The following ZNF621 variants were observed in gnomAD, a reference collection of about 807,000 sequenced individuals.
ZNF621 encodes the protein zinc finger protein 621.
A neutral mutation model predicts 12.7 loss-of-function variants in ZNF621; 6 were observed. The ratio of observed to expected loss-of-function variants is 0.47; its 90% CI spans 0.26 to 0.93. The LOEUF is 0.93. ZNF621 is among the 40% of genes least tolerant of loss of function. The pLI, the probability that ZNF621 is intolerant of heterozygous loss-of-function variation, is 0.15. For missense variants in ZNF621, 474 were observed against 524.0 expected (o/e 0.90, Z 0.93); for synonymous variants, 156 against 190.3 (o/e 0.82, Z 1.48).
rs1698883724 is a variant in ZNF621 at position 40,537,016 on chromosome 3, T to A, written c.*3926T>A. On this transcript the variant is annotated 3_prime_UTR_variant, in exon 5 of 5. Coordinates refer to ENST00000339296, the MANE Select transcript of ZNF621 (RefSeq NM_198484.5). ...GTGTTCTGATTACTCCACTAACTGA[T>A]GGTTCCCCATCTCTCTCCCTCTCCT... is the stretch of plus-strand genomic sequence containing the variant. 6.6e-6 allele frequency: 1 copy of A among 152,232 alleles called. No individual in the cohort carries two copies. Among genetic ancestry groups the A allele is most frequent in the Non-Finnish European group, 1.5e-5 (1 of 68,058 alleles). 9.4% of individuals were successfully genotyped at this position (152,232 alleles called of 1,614,324 possible). A position where few individuals can be genotyped will look rare whatever the true frequency, so the allele number is the denominator to read the frequency against.
In ZNF621 at chr3:40,530,320, A is replaced by G. The variant is rs761046676; in HGVS notation, c.259+4A>G. 6.2e-7 allele frequency: 1 copy of G among 1,610,648 alleles called. No individual in the cohort carries two copies. The highest frequency in any genetic ancestry group is 1.1e-5 in the South Asian group (1 of 90,772). ...ATTCTGAGAGGCATCAGTCAAGGTG[A>G]GTATGAGAATCCAGTGGTGAAGTTT... On this transcript the variant is annotated splice_donor_region_variant and intron_variant, in intron 4 of 4. Coordinates refer to ENST00000339296, the MANE Select transcript of ZNF621 (RefSeq NM_198484.5).
rs1341416849 is a variant in ZNF621 at position 40,538,268 on chromosome 3, T to G, written c.*5178T>G. The G allele has an allele frequency of 4.9e-6, 2 of 406,914 alleles. No individual in the cohort carries two copies. The highest frequency in any genetic ancestry group is 1.9e-4 in the East Asian group (2 of 10,282). 25.2% of individuals were successfully genotyped at this position (406,914 alleles called of 1,614,324 possible). On this transcript the variant is annotated 3_prime_UTR_variant, in exon 5 of 5. Transcript: ENST00000339296. ...TGGCTCACACTTGTAATCCCAACACTTTGGGAGGCCAAGGCAGGTGGATCA... is the reference window on the plus strand; with the variant it reads ...TGGCTCACACTTGTAATCCCAACACGTTGGGAGGCCAAGGCAGGTGGATCA...
In ZNF621 at chr3:40,525,787, G is replaced by T; in HGVS notation, c.-54G>T. 1.2e-6 allele frequency: 2 copies of T among 1,614,118 alleles called. No individual in the cohort carries two copies. Among genetic ancestry groups the T allele is most frequent in the Non-Finnish European group, 1.7e-6 (2 of 1,179,980 alleles). ...GGCTCTTTTTCTCTTAGCTCTTGAGGATCTTGCTTGTCCAAACCCAGAAGA... is the reference window on the plus strand; with the variant it reads ...GGCTCTTTTTCTCTTAGCTCTTGAGTATCTTGCTTGTCCAAACCCAGAAGA... On this transcript the variant is annotated 5_prime_UTR_variant, in exon 2 of 5. Coordinates refer to ENST00000339296, the MANE Select transcript of ZNF621 (RefSeq NM_198484.5).
chr3:40,531,806 C>T (rs559787718), intron 4 of ZNF621, among the ~76,000 whole-genome samples: 5 of 152,274 alleles, frequency 3.3e-5, no homozygotes, highest in African/African-American at 4.8e-5. Flanking sequence ...TCAAGCCATC[C>T]GCCTGCCTCA....
chr3:40,531,948 T>C, intron 4 of ZNF621, 82 bp from the exon 5 acceptor site: 1 of 1,314,538 alleles, frequency 7.6e-7, no homozygotes, highest in Non-Finnish European at 1.0e-6. Context: ...AAAATTACAT[T>C]CTACAAGAGA....
rs1169412706 is a variant in ZNF621, at chr3:40,534,874, A to C, written c.*1784A>C. ...CTTCTCTGTTCCTGCACCAAAAATG[A>C]TCAGGAGAAAGCATATTACCAGGCT... On this transcript the variant is annotated 3_prime_UTR_variant, in exon 5 of 5. Transcript: ENST00000339296. 6.6e-6 allele frequency: 1 copy of C among 152,212 alleles called. No individual in the cohort carries two copies. The highest frequency in any genetic ancestry group is 1.5e-5 in the Non-Finnish European group (1 of 68,038). 9.4% of individuals were successfully genotyped at this position (152,212 alleles called of 1,614,324 possible). A position where few individuals can be genotyped will look rare whatever the true frequency, so the allele number is the denominator to read the frequency against.
chr3:40,535,694 T>C lies in ZNF621; in HGVS notation c.*2604T>C, dbSNP rs572336975. On this transcript the variant is annotated 3_prime_UTR_variant, in exon 5 of 5. Transcript: ENST00000339296. ...AGGGGCTTCTGGGAAATACAGGTTT[T>C]GGATTCTGCCTGGGAAGAGAGTCAT... is the stretch of plus-strand genomic sequence containing the variant. 6.6e-6 allele frequency: 1 copy of C among 152,340 alleles called. No homozygotes were observed. The highest frequency in any genetic ancestry group is 2.1e-4 in the South Asian group (1 of 4,832). 9.4% of individuals were successfully genotyped at this position (152,340 alleles called of 1,614,324 possible).
chr3:40,539,366 CTG>C lies in ZNF621; in HGVS notation c.*6278_*6279del, dbSNP rs139345260. Reference sequence around the variant, plus strand: ...AGCAGCCATCAACAGTGAGGCAAGACTGTCTTCCAGCAACAAAGACTCACTGA... The same window carrying C: ...AGCAGCCATCAACAGTGAGGCAAGACTCTTCCAGCAACAAAGACTCACTGA... On this transcript the variant is annotated 3_prime_UTR_variant, in exon 5 of 5. Coordinates refer to ENST00000339296, the MANE Select transcript of ZNF621 (RefSeq NM_198484.5). 6.6e-6 allele frequency: 1 copy of C among 152,364 alleles called. No homozygotes were observed. The highest frequency in any genetic ancestry group is 1.9e-4 in the East Asian group (1 of 5,190). The allele number at this position is 152,364 out of a possible 1,614,324, so 9.4% of individuals were successfully genotyped here.
In ZNF621 at chr3:40,538,746, C is replaced by T. The variant is rs1028111447; in HGVS notation, c.*5656C>T. 6.6e-6 allele frequency: 1 copy of T among 152,346 alleles called. No homozygotes were observed. Among genetic ancestry groups the T allele is most frequent in the African/African-American group, 2.4e-5 (1 of 41,422 alleles). The allele number at this position is 152,346 out of a possible 1,614,324, so 9.4% of individuals were successfully genotyped here. ...ATAGTGGTTGTTCTGTACAAAGTAACTTGAAAACCTTCTGGAAAGGATTCA... is the reference window on the plus strand; with the variant it reads ...ATAGTGGTTGTTCTGTACAAAGTAATTTGAAAACCTTCTGGAAAGGATTCA... On this transcript the variant is annotated 3_prime_UTR_variant, in exon 5 of 5. Transcript: ENST00000339296.
In ZNF621 at chr3:40,534,859, C is replaced by T. The variant is rs756865456; in HGVS notation, c.*1769C>T. 3 of 152,194 alleles carry T rather than the reference C, an allele frequency of 2.0e-5. No individual in the cohort carries two copies. Among genetic ancestry groups the T allele is most frequent in the Non-Finnish European group, 4.4e-5 (3 of 68,026 alleles). The allele number at this position is 152,194 out of a possible 1,614,324, so 9.4% of individuals were successfully genotyped here. A position where few individuals can be genotyped will look rare whatever the true frequency, so the allele number is the denominator to read the frequency against. On this transcript the variant is annotated 3_prime_UTR_variant, in exon 5 of 5. Transcript: ENST00000339296. ...AATGCAGTTCTTTGCCTTCTCTGTT[C>T]CTGCACCAAAAATGATCAGGAGAAA...
In ZNF621 at chr3:40,535,197, C is replaced by T. The variant is rs570435131; in HGVS notation, c.*2107C>T. The stretch of plus-strand genomic sequence containing the variant: ...GAGTTCGGAAGGGCTGTGGCCACCT[C>T]GTTTCGCCCATCTACTTTTCACCTT... On this transcript the variant is annotated 3_prime_UTR_variant, in exon 5 of 5. Coordinates refer to ENST00000339296, the MANE Select transcript of ZNF621 (RefSeq NM_198484.5). The T allele has an allele frequency of 3.9e-4, 60 of 152,372 alleles. No homozygotes were observed. The highest frequency in any genetic ancestry group is 1.3e-3 in the African/African-American group (53 of 41,582). The allele number at this position is 152,372 out of a possible 1,614,324, so 9.4% of individuals were successfully genotyped here. A position where few individuals can be genotyped will look rare whatever the true frequency, so the allele number is the denominator to read the frequency against.
upstream of ZNF621, among the ~76,000 whole-genome samples, chr3:40,523,500 C>T (rs558293570): frequency 1.3e-4 from 20 of 152,318 alleles, no homozygotes; most frequent in Non-Finnish European, 1.3e-4. Flanking sequence ...CGCGGTGGCT[C>T]ACGCCTGTAA....
Position 40,532,296 on chromosome 3 carries a change from G to A in ZNF621, c.526G>A (p.Glu176Lys). 1 of 1,612,934 alleles carries A rather than the reference G, an allele frequency of 6.2e-7. No individual in the cohort carries two copies. The highest frequency in any genetic ancestry group is 8.5e-7 in the Non-Finnish European group (1 of 1,180,038). Residue 176 changes from glutamate to lysine, a missense_variant, in exon 5 of 5, where the codon GAA (glutamate) becomes AAA (lysine). Physicochemically the swap from Glu to Lys is moderately conservative, Grantham distance 56 (BLOSUM62 1). Coordinates refer to ENST00000339296, the MANE Select transcript of ZNF621 (RefSeq NM_198484.5). ...LIRHQMSHTG[E>K]KPFKCKECGK... ...TCGGCATCAGATGAGTCATACTGGGGAAAAGCCCTTTAAGTGTAAGGAGTG... is the reference window on the plus strand; with the variant it reads ...TCGGCATCAGATGAGTCATACTGGGAAAAAGCCCTTTAAGTGTAAGGAGTG...
intron 2 of ZNF621, among the ~76,000 whole-genome samples, chr3:40,528,249 C>G (rs75637815): frequency 6.6e-6 from 1 of 152,182 alleles, no homozygotes; most frequent in East Asian, 1.9e-4. Context: ...TCACACAGTA[C>G]GTAGCATTTT....
chr3:40,533,198 T>C lies in ZNF621; in HGVS notation c.*108T>C. ...CTCTGTCACCCAGGCTAGAGTGCGG[T>C]GGTGTGATCTTGGCTCACTGCAACC... On this transcript the variant is annotated 3_prime_UTR_variant, in exon 5 of 5. Transcript: ENST00000339296. 6.9e-7 allele frequency: 1 copy of C among 1,453,976 alleles called. No homozygotes were observed. The highest frequency in any genetic ancestry group is 2.4e-4 in the Middle Eastern group (1 of 4,160). The allele number at this position is 1,453,976 out of a possible 1,614,324, so 90.1% of individuals were successfully genotyped here. A position where few individuals can be genotyped will look rare whatever the true frequency, so the allele number is the denominator to read the frequency against.
chr3:40,533,486 A>G lies in ZNF621; in HGVS notation c.*396A>G, dbSNP rs75289541. 9 of 200,740 alleles carry G rather than the reference A, an allele frequency of 4.5e-5. No homozygotes were observed. The East Asian group carries it at 1.0e-3, about 23-fold the overall frequency. 12.4% of individuals were successfully genotyped at this position (200,740 alleles called of 1,614,324 possible). Reference sequence around the variant, plus strand: ...ATTTGTATTTTTTTCATCACCTTACATGTGTTAACAGCTGTTTCAACATAA... The same window carrying G: ...ATTTGTATTTTTTTCATCACCTTACGTGTGTTAACAGCTGTTTCAACATAA... On this transcript the variant is annotated 3_prime_UTR_variant, in exon 5 of 5. Transcript: ENST00000339296.
chr3:40,530,762 G>A (rs539838616), intron 4 of ZNF621, among the ~76,000 whole-genome samples: 187 of 152,208 alleles, frequency 1.2e-3, no homozygotes, highest in Middle Eastern at 3.4e-3. Flanking sequence ...TGCCTTTTTA[G>A]TATCTAAATC....
At position 40,527,066 on chromosome 3, in the gene ZNF621, A is replaced by G. The variant is rs6807150; in HGVS notation, c.24+1202A>G. Among the ~76,000 whole-genome samples the G allele has an allele frequency of 3.0e-3, 453 of 151,964 alleles. 2 individuals are homozygous for G. Among genetic ancestry groups the G allele is most frequent in the African/African-American group, 1.0e-2 (413 of 41,464 alleles). On this transcript the variant is annotated intron_variant, in intron 2 of 4. Transcript: ENST00000339296. ...GGAGTCTCACTGCAACACCCAGGCT[A>G]GAGTGCAATGGTGCGATCTTCGCTC...
At chr3:40,529,498 T>G (rs1698670965) in intron 3 of ZNF621, 53 bp downstream of exon 3, 1 of 1,607,796 alleles carries the variant, frequency 6.2e-7, no homozygotes. Context: ...TCCTCAGATG[T>G]TTTGGGGATT....
Sources: allele counts gnomAD v4.1 joint callset (sites outside exome capture counted in the v4.1 genomes callset), GRCh38; gene constraint gnomAD v4.1.1; transcripts MANE v1.5; gene names NCBI Gene and HGNC (gene_info 2026-07-23, HGNC 2026-07-21).